Variants in AGBL3 observed in about 807,000 individuals in gnomAD.
AGBL3 encodes the protein cytosolic carboxypeptidase 3.
AGBL3 carries 68 observed loss-of-function variants against 94.5 expected under a neutral mutation model. The observed-to-expected ratio is 0.72, with a 90% confidence interval of 0.59 to 0.88. The LOEUF (loss-of-function observed/expected upper bound fraction) is 0.88, where lower values mean the gene tolerates loss of function less well. Among genes scored for constraint, AGBL3 ranks in the 40% least tolerant of loss-of-function variants. The pLI, the probability that AGBL3 is intolerant of heterozygous loss-of-function variation, is 0.00. For missense variants in AGBL3, 934 were observed against 1,103.8 expected, an observed-to-expected ratio of 0.85 and a Z score of 2.18; for synonymous variants, 354 against 370.7, an observed-to-expected ratio of 0.95 and a Z score of 0.52.
intron 15 of AGBL3, among the ~76,000 whole-genome samples, chr7:135,097,806 T>TA (rs1356182909): frequency 6.6e-6 from 1 of 152,098 alleles, no homozygotes; most frequent in African/African-American, 2.4e-5. Context: ...ACGTGTATGG[T>TA]AAAAAATGAC....
chr7:134,993,335 A>G (rs1193224518), intron 3 of AGBL3, among the ~76,000 whole-genome samples, 158 bp from the exon 4 acceptor site: 1 of 152,228 alleles, frequency 6.6e-6, no homozygotes. Context: ...ACAAAATTTC[A>G]TTAGTACTTT....
intron 16 of AGBL3, among the ~76,000 whole-genome samples, chr7:135,133,364 T>C (rs114903610): frequency 0.013 from 1,966 of 152,326 alleles, 37 homozygotes; most frequent in African/African-American, 0.045. Context: ...CCCAGCTTAA[T>C]ATACAAGTTT....
intron 14 of AGBL3, among the ~76,000 whole-genome samples, chr7:135,081,225 AT>A: frequency 6.6e-6 from 1 of 152,262 alleles, no homozygotes; most frequent in East Asian, 1.9e-4. Flanking sequence ...ACATTTTAGA[AT>A]ATTTATTTTA....
chr7:135,076,201 C>T (rs1032434264), intron 12 of AGBL3, among the ~76,000 whole-genome samples, 196 bp from the exon 13 acceptor site: 1 of 152,130 alleles, frequency 6.6e-6, no homozygotes, highest in African/African-American at 2.4e-5. Context: ...CTTGAACTCC[C>T]TAGCTAGTCT....
In AGBL3 at chr7:134,994,600, G is replaced by A. The variant is rs543671670; in HGVS notation, c.310+922G>A. On this transcript the variant is annotated intron_variant, in intron 4 of 16. Coordinates refer to ENST00000436302, the MANE Select transcript of AGBL3 (RefSeq NM_178563.4). ...GGAGATCTTATGGACACTCATTGGT[G>A]AATAAAAAAAAATTACACATACATA... is the stretch of plus-strand genomic sequence containing the variant. Among the ~76,000 whole-genome samples, 12 of 151,790 alleles carry A rather than the reference G, an allele frequency of 7.9e-5. No individual in the cohort carries two copies. In the South Asian group the frequency reaches 2.1e-3, roughly 26 times the overall value.
In AGBL3 at chr7:135,076,415, A is replaced by G; in HGVS notation, c.1927A>G (p.Lys643Glu). The change falls in exon 13 of 17, where the codon AAG (lysine) becomes GAG (glutamate). Residue 643 changes from lysine to glutamate, a missense_variant. By Grantham distance (56) the Lys-to-Glu change is moderately conservative (BLOSUM62 1). Transcript: ENST00000436302. ...LTSQKKHLKTKKERNSTIASH... is the reference protein window; with the variant it reads ...LTSQKKHLKTEKERNSTIASH... ...TTACTAGAAAAAACATTTGAAAACA[A>G]AGAAGGAAAGGAATTCTACCATAGC... 6.5e-7 allele frequency: 1 copy of G among 1,547,972 alleles called. No individual in the cohort carries two copies. The highest frequency in any genetic ancestry group is 1.4e-5 in the African/African-American group (1 of 73,084).
intron 11 of AGBL3, among the ~76,000 whole-genome samples, chr7:135,050,354 C>G (rs1478390333): frequency 2.0e-5 from 3 of 151,894 alleles, no homozygotes; most frequent in Non-Finnish European, 2.9e-5. Flanking sequence ...GACCATGTAG[C>G]CTGCTGCTGT....
At chr7:135,050,583 A>G (rs947504743) in intron 11 of AGBL3, among the ~76,000 whole-genome samples, 1 of 151,638 alleles carries the variant, frequency 6.6e-6, no homozygotes. Flanking sequence ...TATATTTGTG[A>G]TTGTTGTATC....
At chr7:135,050,611 C>T (rs1467997215) in intron 11 of AGBL3, among the ~76,000 whole-genome samples, 1 of 151,878 alleles carries the variant, frequency 6.6e-6, no homozygotes, top group Non-Finnish European at 1.5e-5. Context: ...TGGATTGGCC[C>T]TTTTATTTGT....
chr7:135,082,104 T>C (rs141768678), intron 15 of AGBL3, among the ~76,000 whole-genome samples: 1 of 152,298 alleles, frequency 6.6e-6, no homozygotes, highest in Non-Finnish European at 1.5e-5. Flanking sequence ...CTTTACTAAA[T>C]TGCAATATAA....
At chr7:135,088,657 C>T (rs1355144476) in intron 15 of AGBL3, among the ~76,000 whole-genome samples, 1 of 152,030 alleles carries the variant, frequency 6.6e-6, no homozygotes, top group Non-Finnish European at 1.5e-5. Flanking sequence ...ATATTCTTGA[C>T]TGGCAATTTT....
At chr7:135,127,794 C>G (rs1215476581) in intron 16 of AGBL3, among the ~76,000 whole-genome samples, 3 of 152,124 alleles carry the variant, frequency 2.0e-5, no homozygotes, top group African/African-American at 7.2e-5. Flanking sequence ...AGAACCAGAA[C>G]TACCATTTGA....
rs1816156256 is a variant in AGBL3 at position 135,034,947 on chromosome 7, T to C, written c.1337+19T>C. The C allele has an allele frequency of 1.4e-6, 2 of 1,466,470 alleles. No homozygotes were observed. The highest frequency in any genetic ancestry group is 1.4e-5 in the African/African-American group (1 of 70,540). The allele number at this position is 1,466,470 out of a possible 1,614,324, so 90.8% of individuals were successfully genotyped here. The stretch of plus-strand genomic sequence containing the variant: ...TTCATAGGTAAAATAAGCCTCAAAT[T>C]ACCTCTGTGCTTATTTAGTAAACTT... On this transcript the variant is annotated intron_variant, in intron 7 of 16. Coordinates refer to ENST00000436302, the MANE Select transcript of AGBL3 (RefSeq NM_178563.4).
intron 11 of AGBL3, 72 bp downstream of exon 11, chr7:135,045,983 T>C (rs1258358380): frequency 9.6e-7 from 1 of 1,044,738 alleles, no homozygotes; most frequent in African/African-American, 1.6e-5. Context: ...TATACCAGCA[T>C]TTTATTGTCA....
intron 6 of AGBL3, 128 bp from the exon 7 acceptor site, chr7:135,034,021 A>C: frequency 1.1e-6 from 1 of 884,750 alleles, no homozygotes; most frequent in South Asian, 2.6e-5. Flanking sequence ...TTTCCTAACA[A>C]AGCTTTCTGT....
At chr7:135,031,854 G>A (rs572277190) in intron 5 of AGBL3, among the ~76,000 whole-genome samples, 8 of 152,236 alleles carry the variant, frequency 5.3e-5, no homozygotes, top group South Asian at 4.1e-4. Context: ...ATCTCAGCCC[G>A]CAGTGGTGCT....
chr7:135,129,369 G>A (rs1243777658), intron 16 of AGBL3: 2 of 894,714 alleles, frequency 2.2e-6, no homozygotes, highest in Non-Finnish European at 3.8e-6. Context: ...CCTGCAAGCA[G>A]ATAAGGCCAA....
intron 15 of AGBL3, among the ~76,000 whole-genome samples, chr7:135,087,489 T>C (rs1821423769): frequency 6.6e-6 from 1 of 152,040 alleles, no homozygotes. Flanking sequence ...TTCCTCTTAG[T>C]GCTGCTGTTG....
At chr7:135,054,484 A>G (rs982474211) in intron 11 of AGBL3, among the ~76,000 whole-genome samples, 8 of 152,236 alleles carry the variant, frequency 5.3e-5, no homozygotes, top group Non-Finnish European at 1.2e-4. Context: ...TTGCTTATAG[A>G]GAATACAGTA....
Sources: gnomAD v4.1 joint callset for allele counts (sites outside exome capture counted in the v4.1 genomes callset) on GRCh38, gnomAD v4.1.1 for gene constraint, MANE v1.5 for transcripts, NCBI Gene and HGNC (gene_info 2026-07-23, HGNC 2026-07-21) for gene names.